Variants in RHBDF2 observed in about 807,000 individuals in gnomAD.
The protein encoded by RHBDF2 is rhomboid 5 homolog 2.
Under a neutral mutation model 95.2 loss-of-function variants are expected in RHBDF2, and 38 were observed. The observed-to-expected ratio is 0.40, with a 90% CI of 0.31 to 0.52. The LOEUF (loss-of-function observed/expected upper bound fraction) is 0.52. RHBDF2 is among the 20% of genes least tolerant of loss of function. The pLI is 0.56. For missense variants in RHBDF2, 863 were observed against 1,137.7 expected (o/e 0.76, Z 3.47); for synonymous variants, 442 against 462.0 (o/e 0.96, Z 0.55).
intron 1 of RHBDF2, among the ~76,000 whole-genome samples, chr17:76,499,022 A>G (rs896260763): frequency 2.6e-5 from 4 of 152,046 alleles, no homozygotes; most frequent in African/African-American, 9.7e-5. Flanking sequence ...AACTTTGTAC[A>G]AGCCTGGGTG....
Position 76,475,267 on chromosome 17 carries a change from C to T in RHBDF2, c.1116-126G>A, listed in dbSNP as rs564978503. 5 of 643,416 alleles carry T rather than the reference C, an allele frequency of 7.8e-6. No individual in the cohort carries two copies. The East Asian group carries it at 1.1e-4, about 14-fold the overall frequency. 39.9% of individuals were successfully genotyped at this position (643,416 alleles called of 1,614,324 possible). ...TCCCTGTTCTGCCCCGTCAACTCAT[C>T]TCAAACCAGAGGAACTTTTAAGACG... On this transcript the variant is annotated intron_variant, in intron 9 of 18. Coordinates refer to ENST00000675367, the MANE Select transcript of RHBDF2 (RefSeq NM_001005498.4).
At chr17:76,494,703 G>A (rs1180562448) in intron 1 of RHBDF2, among the ~76,000 whole-genome samples, 1 of 152,214 alleles carries the variant, frequency 6.6e-6, no homozygotes, top group Non-Finnish European at 1.5e-5. Flanking sequence ...AGTGAGCCGA[G>A]ATCACGCCAC....
intron 7 of RHBDF2, 134 bp downstream of exon 7, chr17:76,477,523 T>C: frequency 4.2e-6 from 5 of 1,179,258 alleles, no homozygotes; most frequent in Non-Finnish European, 6.1e-6. Flanking sequence ...CAGCTCCACA[T>C]AGGACCATGC....
At position 76,481,436 on chromosome 17, in the gene RHBDF2, G is replaced by A. The variant is rs370539648; in HGVS notation, c.89C>T (p.Thr30Ile). The change falls in exon 3 of 19, where the codon ACC becomes ATC. Residue 30 changes from threonine to isoleucine, a missense_variant. Physicochemically the swap from Thr to Ile is moderately conservative, Grantham distance 89. Around this residue, in one of 2 missense-constraint regions of RHBDF2, gnomAD observed 611 missense variants for 725.5 expected, o/e 0.84. Coordinates refer to ENST00000675367, the MANE Select transcript of RHBDF2 (RefSeq NM_001005498.4). ...GGTCTCTTTCTCGGGTGGCGGGATG[G>A]TGATGGAGAGGTTGGGTGGCTTCCG... The part of the protein sequence containing the change: ...QSRKPPNLSI[T>I]IPPPEKETQA... 2 of 1,612,838 alleles carry A rather than the reference G, an allele frequency of 1.2e-6. No individual in the cohort carries two copies. The highest frequency in any genetic ancestry group is 8.5e-7 in the Non-Finnish European group (1 of 1,180,018).
At chr17:76,485,920 TC>T (rs1405430679) in intron 2 of RHBDF2, among the ~76,000 whole-genome samples, 1 of 151,506 alleles carries the variant, frequency 6.6e-6, no homozygotes, top group Non-Finnish European at 1.5e-5. Flanking sequence ...AAGAGGGAAA[TC>T]TATAGACAGA....
At chr17:76,487,351 C>T (rs1033577574) in intron 2 of RHBDF2, 17 of 151,854 alleles carry the variant, frequency 1.1e-4, no homozygotes, top group African/African-American at 3.1e-4. Flanking sequence ...CAGGTTCGAG[C>T]GATTCTCCTG....
chr17:76,471,530 G>A lies in RHBDF2; in HGVS notation c.*103C>T. Reference sequence around the variant, plus strand: ...AGGTCCAGAGCCCGGGCCCTGTCTTGGGTCTCTGGCTCTCTGGCACACAGA... The same window carrying A: ...AGGTCCAGAGCCCGGGCCCTGTCTTAGGTCTCTGGCTCTCTGGCACACAGA... On this transcript the variant is annotated 3_prime_UTR_variant, in exon 19 of 19. Coordinates refer to ENST00000675367, the MANE Select transcript of RHBDF2 (RefSeq NM_001005498.4). 3.8e-6 allele frequency: 5 copies of A among 1,299,712 alleles called. No individual in the cohort carries two copies. Among genetic ancestry groups the A allele is most frequent in the Non-Finnish European group, 5.2e-6 (5 of 963,824 alleles). 80.5% of individuals were successfully genotyped at this position (1,299,712 alleles called of 1,614,324 possible). A position where few individuals can be genotyped will look rare whatever the true frequency, so the allele number is the denominator to read the frequency against.
At chr17:76,490,882 C>G (rs1052764860) in intron 1 of RHBDF2, among the ~76,000 whole-genome samples, 2 of 152,206 alleles carry the variant, frequency 1.3e-5, no homozygotes, top group African/African-American at 4.8e-5. Context: ...ATTGCCTGCT[C>G]TCTCCAGCAT....
At chr17:76,484,856 T>C (rs908099963) in intron 2 of RHBDF2, among the ~76,000 whole-genome samples, 1 of 152,166 alleles carries the variant, frequency 6.6e-6, no homozygotes, top group African/African-American at 2.4e-5. Context: ...CAGCGCATAC[T>C]GGGCCAATGG....
intron 11 of RHBDF2, 37 bp downstream of exon 11, chr17:76,474,693 C>A: frequency 6.2e-7 from 1 of 1,614,114 alleles, no homozygotes; most frequent in Non-Finnish European, 8.5e-7. Flanking sequence ...CACAGGGACT[C>A]CTGGCTCAGA....
chr17:76,476,771 G>T lies in RHBDF2; in HGVS notation c.1115+59C>A. 3 of 1,506,468 alleles carry T rather than the reference G, an allele frequency of 2.0e-6. No individual in the cohort carries two copies. The Admixed American group carries it at 6.4e-5, about 32-fold the overall frequency. The allele number at this position is 1,506,468 out of a possible 1,614,324, so 93.3% of individuals were successfully genotyped here. A position where few individuals can be genotyped will look rare whatever the true frequency, so the allele number is the denominator to read the frequency against. ...AATGAGTAAGGGGGCGCTTCAGGAG[G>T]GCCCAGAGGAATTTGGAACCTTCCA... On this transcript the variant is annotated intron_variant, in intron 9 of 18. Coordinates refer to ENST00000675367, the MANE Select transcript of RHBDF2 (RefSeq NM_001005498.4).
At chr17:76,489,229 G>T (rs534427911) in intron 1 of RHBDF2, among the ~76,000 whole-genome samples, 4 of 152,140 alleles carry the variant, frequency 2.6e-5, no homozygotes, top group Non-Finnish European at 5.9e-5. Flanking sequence ...AAATGATCTG[G>T]AAGTGTTTTG....
Position 76,473,566 on chromosome 17 carries a change from C to T in RHBDF2, c.1733+82G>A, listed in dbSNP as rs909390356. 66 of 1,217,266 alleles carry T rather than the reference C, an allele frequency of 5.4e-5. No individual in the cohort carries two copies. In the African/African-American group the frequency reaches 7.0e-4, roughly 13 times the overall value. The allele number at this position is 1,217,266 out of a possible 1,614,324, so 75.4% of individuals were successfully genotyped here. On this transcript the variant is annotated intron_variant, in intron 15 of 18. Transcript: ENST00000675367. ...TCGGCCCAGCGGCTGTGGGTGGTGA[C>T]GGTGGAGGAGCAGAGGGCCCACAGG...
chr17:76,471,727 T>C lies in RHBDF2; in HGVS notation c.2390A>G (p.Tyr797Cys). The change falls in exon 19 of 19, where the codon TAC (tyrosine) becomes TGC (cysteine). Residue 797 changes from tyrosine to cysteine, a missense_variant. By Grantham distance (194) the Tyr-to-Cys change is radical. Transcript: ENST00000675367. ...FAALVLWLYI[Y>C]PINWPWIEHL... ...CTCGATCCAGGGCCAGTTAATGGGGTAGATGTACAGCCACAGCACGAGGGC... is the reference window on the plus strand; with the variant it reads ...CTCGATCCAGGGCCAGTTAATGGGGCAGATGTACAGCCACAGCACGAGGGC... The C allele has an allele frequency of 6.2e-7, 1 of 1,610,602 alleles. No homozygotes were observed. Among genetic ancestry groups the C allele is most frequent in the African/African-American group, 1.3e-5 (1 of 74,888 alleles).
intron 1 of RHBDF2, among the ~76,000 whole-genome samples, chr17:76,491,057 C>G (rs759307176): frequency 6.6e-6 from 1 of 152,150 alleles, no homozygotes; most frequent in East Asian, 1.9e-4. Flanking sequence ...GGGTCTCCCT[C>G]ATCCTGCAGC....
At chr17:76,478,217 T>C (rs7215481) in intron 6 of RHBDF2, among the ~76,000 whole-genome samples, 143,554 of 152,254 alleles carry the variant, frequency 0.94, 68,284 homozygotes, top group East Asian at 1. Flanking sequence ...ATAACCACCC[T>C]TCACTAAAAC....
At chr17:76,485,867 G>A (rs1270097245) in intron 2 of RHBDF2, among the ~76,000 whole-genome samples, 1 of 152,134 alleles carries the variant, frequency 6.6e-6, no homozygotes, top group Non-Finnish European at 1.5e-5. Flanking sequence ...CAGTCACGAT[G>A]GCCACCTCTG....
intron 1 of RHBDF2, among the ~76,000 whole-genome samples, chr17:76,496,739 C>A (rs914073554): frequency 6.6e-6 from 1 of 152,164 alleles, no homozygotes; most frequent in Non-Finnish European, 1.5e-5. Context: ...AGATCCTCAA[C>A]CCTCCTCTTC....
intron 7 of RHBDF2, 121 bp from the exon 8 acceptor site, chr17:76,477,419 C>A (rs1036793141): frequency 7.7e-7 from 1 of 1,292,710 alleles, no homozygotes; most frequent in East Asian, 2.4e-5. Flanking sequence ...AATTGGGAAG[C>A]CACATGCCCG....
Sources: gnomAD v4.1 joint callset for allele counts (sites outside exome capture counted in the v4.1 genomes callset) on GRCh38, gnomAD v4.1.1 for gene constraint, gnomAD v4.1.1 regional missense constraint, MANE v1.5 for transcripts, NCBI Gene and HGNC (gene_info 2026-07-23, HGNC 2026-07-21) for gene names.